The following PCDH15 variants were observed in gnomAD, a reference collection of about 807,000 sequenced individuals.
PCDH15 encodes protocadherin related 15.
Under a neutral mutation model 178.5 loss-of-function variants are expected in PCDH15, and 129 were observed. The ratio of observed to expected loss-of-function variants is 0.72; its 90% CI spans 0.63 to 0.84. PCDH15 has a LOEUF of 0.84. PCDH15 is among the 40% of genes least tolerant of loss of function. The probability of loss-of-function intolerance (pLI) is 0.00; values close to 1 mark genes in which losing one functional copy is unlikely to be tolerated. For synonymous variants in PCDH15, 800 were observed against 732.0 expected, an observed-to-expected ratio of 1.09 and a Z score of -1.50; for missense variants, 2,230 against 2,099.9, an observed-to-expected ratio of 1.06 and a Z score of -1.21.
chr10:53,809,661 T>C, intron 37 of PCDH15: 1 of 967,306 alleles, frequency 1.0e-6, no homozygotes, highest in Admixed American at 2.3e-5. Context: ...ATGCATGTTA[T>C]ATAACTGGCT....
chr10:54,202,179 CTG>C (rs2050303027), intron 10 of PCDH15, among the ~76,000 whole-genome samples: 1 of 152,126 alleles, frequency 6.6e-6, no homozygotes, highest in African/African-American at 2.4e-5. Flanking sequence ...ATGATTTTGA[CTG>C]TGTGTACTCT....
intron 3 of PCDH15, among the ~76,000 whole-genome samples, chr10:54,858,660 T>C (rs927890911): frequency 6.6e-6 from 1 of 152,074 alleles, no homozygotes; most frequent in African/African-American, 2.4e-5. Flanking sequence ...TTCACATTGA[T>C]AGCTTTTAAT....
chr10:54,978,687 C>T (rs931283794), intron 2 of PCDH15, among the ~76,000 whole-genome samples: 4 of 152,244 alleles, frequency 2.6e-5, no homozygotes, highest in Non-Finnish European at 5.9e-5. Flanking sequence ...AAGGCATTGA[C>T]TTAAATCTGC....
At chr10:54,698,624 G>C (rs1315448718) in intron 1 of PCDH15, among the ~76,000 whole-genome samples, 1 of 152,078 alleles carries the variant, frequency 6.6e-6, no homozygotes, top group Non-Finnish European at 1.5e-5. Context: ...ATATAAATTT[G>C]ATCAATTACT....
intron 2 of PCDH15, among the ~76,000 whole-genome samples, chr10:55,426,819 G>A (rs544411196): frequency 1.1e-4 from 17 of 152,184 alleles, no homozygotes; most frequent in African/African-American, 4.1e-4. Flanking sequence ...CCTGAAGTCC[G>A]GCCACCTCTG....
intron 21 of PCDH15, among the ~76,000 whole-genome samples, chr10:53,977,177 T>C (rs749207874): frequency 4.6e-5 from 7 of 152,158 alleles, no homozygotes; most frequent in Non-Finnish European, 8.8e-5. Flanking sequence ...CAATGCTTTT[T>C]GTCTCAGTGA....
chr10:54,676,021 G>A (rs2094782490), intron 1 of PCDH15, among the ~76,000 whole-genome samples: 1 of 152,062 alleles, frequency 6.6e-6, no homozygotes, highest in African/African-American at 2.4e-5. Flanking sequence ...ATCGATAATT[G>A]ATAAATTCTA....
intron 2 of PCDH15, among the ~76,000 whole-genome samples, chr10:55,467,945 C>A (rs1219389250): frequency 1.1e-5 from 1 of 94,318 alleles, no homozygotes; most frequent in Non-Finnish European, 1.9e-5. Flanking sequence ...CCAGCCTGGG[C>A]GATAGAGCCA....
rs548354098 is a variant in PCDH15 at position 54,876,736 on chromosome 10, C to T, written c.-29+20714G>A. 7.9e-5 allele frequency among the ~76,000 whole-genome samples: 12 copies of T among 152,214 alleles called. No homozygotes were observed. In the South Asian group the frequency reaches 1.0e-3, roughly 13 times the overall value. ...TCTTATATAAAACTTGAACAGATGACGAGTTGCTTCTAATGGATGAACAAA... is the reference window on the plus strand; with the variant it reads ...TCTTATATAAAACTTGAACAGATGATGAGTTGCTTCTAATGGATGAACAAA... On this transcript the variant is annotated intron_variant, in intron 3 of 5. Transcript: ENST00000458638.
chr10:54,653,271 T>C lies in PCDH15; in HGVS notation c.91+10901A>G, dbSNP rs140478513. ...GTGACCATTATTCATCTAAACCCCTTACATTAAATAATTGGACATTCATAA... is the reference window on the plus strand; with the variant it reads ...GTGACCATTATTCATCTAAACCCCTCACATTAAATAATTGGACATTCATAA... On this transcript the variant is annotated intron_variant, in intron 2 of 37. Transcript: ENST00000644397. Among the ~76,000 whole-genome samples, 49 of 152,322 alleles carry C rather than the reference T, an allele frequency of 3.2e-4. No individual in the cohort carries two copies. In the East Asian group the frequency reaches 8.9e-3, roughly 28 times the overall value.
chr10:54,311,263 C>T (rs9416305), intron 8 of PCDH15, among the ~76,000 whole-genome samples: 16 of 151,864 alleles, frequency 1.1e-4, no homozygotes, highest in African/African-American at 3.4e-4. Flanking sequence ...ACACAGTAAA[C>T]GCATAGAAAA....
chr10:54,020,926 G>T (rs1444525473), intron 19 of PCDH15, among the ~76,000 whole-genome samples: 1 of 151,934 alleles, frequency 6.6e-6, no homozygotes, highest in East Asian at 1.9e-4. Context: ...GTAATTATTT[G>T]TCACAGGGAT....
chr10:54,251,282 G>A (rs1396414947), intron 8 of PCDH15, among the ~76,000 whole-genome samples: 4 of 152,114 alleles, frequency 2.6e-5, no homozygotes, highest in African/African-American at 9.7e-5. Context: ...ATTTGTCTGT[G>A]CTTTAACTGT....
chr10:54,076,445 A>T (rs10825218), intron 17 of PCDH15, among the ~76,000 whole-genome samples: 98,645 of 151,830 alleles, frequency 0.65, 33,192 homozygotes, highest in Middle Eastern at 0.76. Flanking sequence ...CTTCCTTTTC[A>T]AATTGGATCT....
At chr10:54,611,227 C>A (rs1419701051) in intron 2 of PCDH15, among the ~76,000 whole-genome samples, 1 of 151,592 alleles carries the variant, frequency 6.6e-6, no homozygotes, top group Non-Finnish European at 1.5e-5. Context: ...ATGGAGTCCC[C>A]TTGCAAAATT....
chr10:54,675,501 C>G (rs1023041382), intron 1 of PCDH15, among the ~76,000 whole-genome samples: 12 of 132,958 alleles, frequency 9.0e-5, no homozygotes, highest in African/African-American at 2.8e-4. Context: ...TTTTAACTCT[C>G]TCTATTTATT....
At chr10:54,067,212 A>G (rs2094151976) in intron 17 of PCDH15, among the ~76,000 whole-genome samples, 1 of 152,094 alleles carries the variant, frequency 6.6e-6, no homozygotes, top group Non-Finnish European at 1.5e-5. Context: ...TTGTTTATAC[A>G]CACGTACACT....
At chr10:55,059,546 T>A (rs958627733) in intron 2 of PCDH15, among the ~76,000 whole-genome samples, 2 of 152,170 alleles carry the variant, frequency 1.3e-5, no homozygotes, top group East Asian at 3.8e-4. Flanking sequence ...AGATGAACAA[T>A]AGATAAATAA....
chr10:54,285,823 C>T (rs1004675136), intron 8 of PCDH15, among the ~76,000 whole-genome samples: 8 of 152,052 alleles, frequency 5.3e-5, no homozygotes, highest in Admixed American at 5.2e-4. Flanking sequence ...CCTAATTGTT[C>T]ATCAACTGAT....
Sources: allele counts gnomAD v4.1 joint callset (sites outside exome capture counted in the v4.1 genomes callset), GRCh38; gene constraint gnomAD v4.1.1; transcripts MANE v1.5; gene names NCBI Gene and HGNC (gene_info 2026-07-23, HGNC 2026-07-21).